Variants in ARAP2 observed in about 807,000 individuals in gnomAD.
ARAP2 encodes the protein ArfGAP with RhoGAP domain, ankyrin repeat and PH domain 2.
A neutral mutation model predicts 194.5 loss-of-function variants in ARAP2; 148 were observed. That is an observed-to-expected ratio of 0.76 (90% CI 0.67 to 0.87). The LOEUF is 0.87. ARAP2 is among the 40% of genes least tolerant of loss of function. The pLI is 0.00. For synonymous variants in ARAP2, 695 were observed against 683.5 expected (o/e 1.02, Z -0.26); for missense variants, 2,128 against 1,989.7 (o/e 1.07, Z -1.32).
rs1468874480 is a variant in ARAP2, at chr4:36,200,185, GTTAA to G, written c.1488-6542_1488-6539del. Among the ~76,000 whole-genome samples, 8 of 151,782 alleles carry G rather than the reference GTTAA, an allele frequency of 5.3e-5. No homozygotes were observed. In the South Asian group the frequency reaches 1.2e-3, roughly 24 times the overall value. ...CTTCAATACTGAATTCCAATAATTA[GTTAA>G]TTAAAGATAAAACTTTACACTTATA... On this transcript the variant is annotated intron_variant, in intron 6 of 32. Coordinates refer to ENST00000303965, the MANE Select transcript of ARAP2 (RefSeq NM_015230.4).
chr4:36,045,516 T>A (rs1236865135), intron 5 of ARAP2, among the ~76,000 whole-genome samples: 1 of 152,030 alleles, frequency 6.6e-6, no homozygotes, highest in African/African-American at 2.4e-5. Context: ...CAGAGTGGAA[T>A]GGTGGTTATC....
intron 10 of ARAP2, among the ~76,000 whole-genome samples, chr4:36,166,553 G>C (rs1735329523): frequency 6.6e-6 from 1 of 151,832 alleles, no homozygotes; most frequent in Admixed American, 6.6e-5. Flanking sequence ...ATGAGGGATT[G>C]TATTTGATCA....
intron 8 of ARAP2, among the ~76,000 whole-genome samples, chr4:36,013,865 C>A (rs1277753567): frequency 6.6e-6 from 1 of 152,126 alleles, no homozygotes; most frequent in Non-Finnish European, 1.5e-5. Context: ...GCAGTTACAT[C>A]AAAAACATTA....
intron 4 of ARAP2, chr4:36,046,152 C>T (rs1314358403): frequency 6.6e-6 from 1 of 152,206 alleles, no homozygotes; most frequent in Non-Finnish European, 1.5e-5. Flanking sequence ...ATTGTACCAG[C>T]CTATAGGTAA....
At chr4:36,042,893 A>G (rs1385350250) in intron 5 of ARAP2, among the ~76,000 whole-genome samples, 1 of 148,922 alleles carries the variant, frequency 6.7e-6, no homozygotes, top group African/African-American at 2.5e-5. Flanking sequence ...CGCAGGCTGG[A>G]GTGCAATGGC....
chr4:36,079,059 A>G (rs1324630283), intron 31 of ARAP2, among the ~76,000 whole-genome samples: 3 of 151,750 alleles, frequency 2.0e-5, no homozygotes, highest in Non-Finnish European at 4.4e-5. Context: ...CTGTAATCCC[A>G]GATACTCAGG....
At chr4:36,224,216 AAAAT>A (rs10597123) in intron 2 of ARAP2, among the ~76,000 whole-genome samples, 45,780 of 149,048 alleles carry the variant, frequency 0.31, 8,470 homozygotes, top group East Asian at 0.58. Context: ...CAAAATGTTA[AAAAT>A]AAATAAATAA....
intron 1 of ARAP2, among the ~76,000 whole-genome samples, chr4:36,230,784 C>T (rs971969694): frequency 2.0e-5 from 3 of 152,094 alleles, no homozygotes; most frequent in Non-Finnish European, 4.4e-5. Flanking sequence ...GACTGAAAAA[C>T]CCCTCTACAA....
intron 5 of ARAP2, among the ~76,000 whole-genome samples, chr4:36,031,803 G>A (rs1025406827): frequency 1.3e-5 from 2 of 151,922 alleles, no homozygotes; most frequent in African/African-American, 4.8e-5. Flanking sequence ...CAAGTAGCTG[G>A]GATTACAGGC....
At chr4:36,057,062 T>C (rs1723637885) in intron 2 of ARAP2, among the ~76,000 whole-genome samples, 1 of 152,076 alleles carries the variant, frequency 6.6e-6, no homozygotes, top group South Asian at 2.1e-4. Context: ...TGTTTTTTTT[T>C]TTCAGTGCAG....
chr4:36,103,259 C>A (rs985114729), intron 27 of ARAP2, among the ~76,000 whole-genome samples: 3 of 151,550 alleles, frequency 2.0e-5, no homozygotes, highest in East Asian at 1.9e-4. Flanking sequence ...CATCTTATAT[C>A]TTTATATATA....
At chr4:36,206,316 C>G (rs1220000334) in intron 6 of ARAP2, among the ~76,000 whole-genome samples, 1 of 152,174 alleles carries the variant, frequency 6.6e-6, no homozygotes, top group Non-Finnish European at 1.5e-5. Context: ...TGATTATTGG[C>G]TTTTTCACTT....
At chr4:36,111,758 G>C (rs189785438) in intron 26 of ARAP2, among the ~76,000 whole-genome samples, 2 of 151,848 alleles carry the variant, frequency 1.3e-5, no homozygotes, top group Non-Finnish European at 2.9e-5. Flanking sequence ...AATGTTTCTT[G>C]GTATAATGCA....
intron 11 of ARAP2, among the ~76,000 whole-genome samples, chr4:36,161,793 CAAAAAAAAAAAAA>C (rs869193087): frequency 2.0e-5 from 2 of 99,436 alleles, no homozygotes; most frequent in Middle Eastern, 5.4e-3. Flanking sequence ...TCTGCACTGA[CAAAAAAAAAAAAA>C]AAAAAAAAAA....
In ARAP2 at chr4:36,071,682, G is replaced by GT. The variant is rs918392737; in HGVS notation, c.4743+2006dup. Among the ~76,000 whole-genome samples, 66 of 86,232 alleles carry GT rather than the reference G, an allele frequency of 7.7e-4. No individual in the cohort carries two copies. In the South Asian group the frequency reaches 0.023, roughly 30 times the overall value. 56.6% of individuals were successfully genotyped at this position (86,232 alleles called of 152,430 possible). On this transcript the variant is annotated intron_variant, in intron 32 of 32. Transcript: ENST00000303965. ...TATATAATACTTAATTTTTTTTTGA[G>GT]TTTTTTTTTAATTTTTTTTCTTTTT...
chr4:36,135,446 T>C (rs1057113940), intron 19 of ARAP2, among the ~76,000 whole-genome samples: 16 of 151,840 alleles, frequency 1.1e-4, no homozygotes, highest in Admixed American at 9.9e-4. Flanking sequence ...TTACTAATAC[T>C]GGTGCTTGTA....
intron 2 of ARAP2, among the ~76,000 whole-genome samples, chr4:36,224,350 GTTTTCAT>G (rs1354548668): frequency 6.6e-6 from 1 of 150,428 alleles, no homozygotes; most frequent in Non-Finnish European, 1.5e-5. Flanking sequence ...CTGCCTTGAG[GTTTTCAT>G]AATATCTAAC....
intron 28 of ARAP2, among the ~76,000 whole-genome samples, chr4:36,084,087 C>T (rs1730263116): frequency 6.6e-6 from 1 of 152,076 alleles, no homozygotes; most frequent in African/African-American, 2.4e-5. Context: ...AGATTGAAGG[C>T]TGCACTGTTG....
At chr4:36,108,425 AT>A (rs1316880040) in intron 26 of ARAP2, among the ~76,000 whole-genome samples, 3 of 152,014 alleles carry the variant, frequency 2.0e-5, no homozygotes, top group Non-Finnish European at 4.4e-5. Context: ...TCAATACAAA[AT>A]TATAAAATGT....
Sources: allele counts gnomAD v4.1 joint callset (sites outside exome capture counted in the v4.1 genomes callset), GRCh38; gene constraint gnomAD v4.1.1; transcripts MANE v1.5; gene names NCBI Gene and HGNC (gene_info 2026-07-23, HGNC 2026-07-21).